GMFB: variants seen among roughly 807,000 people sequenced by gnomAD.
GMFB encodes glia maturation factor beta.
GMFB carries 13 observed loss-of-function variants against 25.6 expected under a neutral mutation model. The ratio of observed to expected loss-of-function variants is 0.51; its 90% CI spans 0.33 to 0.81. GMFB has a LOEUF of 0.81. Among genes scored for constraint, GMFB ranks in the 30% least tolerant of loss-of-function variants. The pLI is 0.02. For synonymous variants in GMFB, 57 were observed against 56.9 expected, an observed-to-expected ratio of 1.00 and a Z score of 0.00; for missense variants, 146 against 175.4, an observed-to-expected ratio of 0.83 and a Z score of 0.95.
At chr14:54,485,585 T>C (rs1452654160) in intron 1 of GMFB, among the ~76,000 whole-genome samples, 1 of 152,150 alleles carries the variant, frequency 6.6e-6, no homozygotes, top group African/African-American at 2.4e-5. Context: ...AAAATGTCCA[T>C]ACTAACCCAA....
chr14:54,488,316 C>T (rs1331983300), intron 1 of GMFB, among the ~76,000 whole-genome samples: 2 of 152,182 alleles, frequency 1.3e-5, no homozygotes, highest in South Asian at 2.1e-4. Flanking sequence ...AAGTTATTGA[C>T]AATTACTTTA....
intron 3 of GMFB, 113 bp downstream of exon 3, chr14:54,482,040 T>G: frequency 1.5e-6 from 1 of 686,486 alleles, no homozygotes; most frequent in South Asian, 1.7e-5. Context: ...ATAATGAGCA[T>G]GTATTTAAAG....
chr14:54,488,566 G>A (rs1313549288), intron 1 of GMFB: 3 of 259,664 alleles, frequency 1.2e-5, no homozygotes, highest in East Asian at 1.3e-4. Context: ...AGGAATTGAG[G>A]GAGCCCTCCG....
intron 4 of GMFB, 73 bp from the exon 5 acceptor site, chr14:54,481,029 A>C (rs1035554848): frequency 1.7e-5 from 12 of 698,402 alleles, no homozygotes; most frequent in Non-Finnish European, 3.0e-5. Flanking sequence ...GGAGCTACTG[A>C]GCTGCAAGTT....
At position 54,479,561 on chromosome 14, in the gene GMFB, T is replaced by C. The variant is rs1009743227; in HGVS notation, c.357+225A>G. 4.7e-4 allele frequency: 208 copies of C among 445,442 alleles called. 1 individual carries two copies. The highest frequency in any genetic ancestry group is 1.5e-3 in the South Asian group (49 of 32,120). 27.6% of individuals were successfully genotyped at this position (445,442 alleles called of 1,614,324 possible). Reference sequence around the variant, plus strand: ...CAGTGGCTTTCTAACACTGCCTATATTTTGAATGTGATTTCTTCCAATCAA... The same window carrying C: ...CAGTGGCTTTCTAACACTGCCTATACTTTGAATGTGATTTCTTCCAATCAA... On this transcript the variant is annotated intron_variant, in intron 6 of 6. Transcript: ENST00000358056.
chr14:54,485,799 C>A (rs893633503), intron 1 of GMFB, among the ~76,000 whole-genome samples: 1 of 152,146 alleles, frequency 6.6e-6, no homozygotes, highest in African/African-American at 2.4e-5. Flanking sequence ...CATAAAACCA[C>A]ACACACAGGC....
In GMFB at chr14:54,478,127, A is replaced by C; in HGVS notation, c.390T>G (p.Thr130=). ...CAAGTTTCTCACGTAACCATTCTTC[A>C]GTTAGGTCTTCGGTATTTCTTATTT... ...VFEIRNTEDL[T]EEWLREKLGF... The change falls in exon 7 of 7, where the codon ACT becomes ACG. Residue 130 remains threonine (T), a synonymous_variant. Transcript: ENST00000358056. 3 of 1,453,258 alleles carry C rather than the reference A, an allele frequency of 2.1e-6. No homozygotes were observed. Among genetic ancestry groups the C allele is most frequent in the Non-Finnish European group, 2.8e-6 (3 of 1,076,072 alleles). The allele number at this position is 1,453,258 out of a possible 1,614,324, so 90.0% of individuals were successfully genotyped here. A position where few individuals can be genotyped will look rare whatever the true frequency, so the allele number is the denominator to read the frequency against.
At chr14:54,484,930 ATCATT>A (rs975013407) in intron 1 of GMFB, among the ~76,000 whole-genome samples, 4 of 152,170 alleles carry the variant, frequency 2.6e-5, no homozygotes, top group Admixed American at 2.0e-4. Flanking sequence ...CAAAAATCGT[ATCATT>A]TCAAGAGATG....
At position 54,482,216 on chromosome 14, in the gene GMFB, C is replaced by A. The variant is rs1463330736; in HGVS notation, c.101-14G>T. On this transcript the variant is annotated splice_polypyrimidine_tract_variant and intron_variant, in intron 2 of 6. Coordinates refer to ENST00000358056, the MANE Select transcript of GMFB (RefSeq NM_004124.3). ...TGTCAATCTTCACTAAAATAAAAAT[C>A]AAGTATGAGTAAGCTGGGATTCTAA... 6.3e-6 allele frequency: 10 copies of A among 1,575,014 alleles called. No individual in the cohort carries two copies. The African/African-American group carries it at 1.1e-4, about 17-fold the overall frequency.
rs554560384 is a variant in GMFB at position 54,486,512 on chromosome 14, G to C, written c.3+2413C>G. ...TCTGAGAGGAAAGAAAACAACGAGT[G>C]AAGAGACAACCTACAGAATGGGAGA... On this transcript the variant is annotated intron_variant, in intron 1 of 6. Transcript: ENST00000358056. Among the ~76,000 whole-genome samples the C allele has an allele frequency of 7.2e-5, 11 of 152,126 alleles. 1 individual carries two copies. The South Asian group carries it at 2.3e-3, about 31-fold the overall frequency.
At chr14:54,484,688 C>T (rs369300180) in intron 1 of GMFB, among the ~76,000 whole-genome samples, 2 of 152,028 alleles carry the variant, frequency 1.3e-5, no homozygotes, top group Admixed American at 6.6e-5. Context: ...TCTACAAGAA[C>T]AGCATTACCC....
intron 6 of GMFB, 139 bp downstream of exon 6, chr14:54,479,647 A>G: frequency 1.9e-6 from 1 of 529,298 alleles, no homozygotes; most frequent in Non-Finnish European, 3.4e-6. Flanking sequence ...CCAGTTAACA[A>G]AAAGCTTTGG....
rs2140028874 is a variant in GMFB at position 54,475,415 on chromosome 14, T to C, written c.*2673A>G. 6.5e-6 allele frequency: 1 copy of C among 152,686 alleles called. No individual in the cohort carries two copies. The highest frequency in any genetic ancestry group is 6.5e-5 in the Admixed American group (1 of 15,300). The allele number at this position is 152,686 out of a possible 1,614,324, so 9.5% of individuals were successfully genotyped here. A position where few individuals can be genotyped will look rare whatever the true frequency, so the allele number is the denominator to read the frequency against. On this transcript the variant is annotated 3_prime_UTR_variant, in exon 7 of 7. Transcript: ENST00000358056. ...CACACAGATTATTTAGTAATGACAG[T>C]AAAAAATTTAGCAACACACACTTAA... is the stretch of plus-strand genomic sequence containing the variant.
At position 54,482,164 on chromosome 14, in the gene GMFB, C is replaced by T; in HGVS notation, c.139G>A (p.Glu47Lys). 1 of 1,595,740 alleles carries T rather than the reference C, an allele frequency of 6.3e-7. No individual in the cohort carries two copies. Among genetic ancestry groups the T allele is most frequent in the Non-Finnish European group, 8.6e-7 (1 of 1,163,622 alleles). The part of the protein sequence containing the change: ...DKDKRLVVLD[E>K]ELEGISPDEL... ...TTCATTGAACAAACCTCAAGCTCCT[C>T]ATCCAGTACCACCAGGCGTTTATCC... The change falls in exon 3 of 7, where the codon GAG (glutamate) becomes AAG (lysine). Residue 47 changes from glutamate to lysine, a missense_variant. Physicochemically the swap from Glu to Lys is moderately conservative, Grantham distance 56 (BLOSUM62 1). Transcript: ENST00000358056.
intron 5 of GMFB, 123 bp downstream of exon 5, chr14:54,480,751 G>C (rs2031700037): frequency 3.2e-6 from 2 of 628,282 alleles, no homozygotes; most frequent in South Asian, 3.8e-5. Context: ...CATAGACACA[G>C]ACCCTCCTCA....
At chr14:54,478,485 T>A (rs2031669744) in intron 6 of GMFB, 3 of 167,456 alleles carry the variant, frequency 1.8e-5, no homozygotes, top group Non-Finnish European at 2.5e-5. Flanking sequence ...GTAAATCTTA[T>A]CTCCTAGAAG....
rs1472546085 is a variant in GMFB, at chr14:54,477,720, T to C, written c.*368A>G. 1.2e-5 allele frequency: 2 copies of C among 168,492 alleles called. No individual in the cohort carries two copies. Among genetic ancestry groups the C allele is most frequent in the East Asian group, 1.7e-4 (1 of 5,982 alleles). The allele number at this position is 168,492 out of a possible 1,614,324, so 10.4% of individuals were successfully genotyped here. A position where few individuals can be genotyped will look rare whatever the true frequency, so the allele number is the denominator to read the frequency against. The stretch of plus-strand genomic sequence containing the variant: ...TATTTTCATAAATAAACTGCTAATA[T>C]CCAGTATTTGTCAAAAGGAGGCAAC... On this transcript the variant is annotated 3_prime_UTR_variant, in exon 7 of 7. Transcript: ENST00000358056.
At chr14:54,485,888 A>G (rs2031774828) in intron 1 of GMFB, among the ~76,000 whole-genome samples, 1 of 152,228 alleles carries the variant, frequency 6.6e-6, no homozygotes, top group Non-Finnish European at 1.5e-5. Context: ...TGCCAAAAAC[A>G]TACACTGGGG....
In GMFB at chr14:54,477,902, A is replaced by T; in HGVS notation, c.*186T>A. The T allele has an allele frequency of 2.3e-6, 1 of 440,366 alleles. No individual in the cohort carries two copies. Among genetic ancestry groups the T allele is most frequent in the Non-Finnish European group, 4.1e-6 (1 of 241,986 alleles). The allele number at this position is 440,366 out of a possible 1,614,324, so 27.3% of individuals were successfully genotyped here. A position where few individuals can be genotyped will look rare whatever the true frequency, so the allele number is the denominator to read the frequency against. On this transcript the variant is annotated 3_prime_UTR_variant, in exon 7 of 7. Coordinates refer to ENST00000358056, the MANE Select transcript of GMFB (RefSeq NM_004124.3). ...AATTACCAATATAAGGAAACACTTT[A>T]CAAAGTTTCATTACTATGAAGATGA...
Sources: allele counts gnomAD v4.1 joint callset (sites outside exome capture counted in the v4.1 genomes callset), GRCh38; gene constraint gnomAD v4.1.1; transcripts MANE v1.5; gene names NCBI Gene and HGNC (gene_info 2026-07-23, HGNC 2026-07-21).